CNTNAP4: variants seen among roughly 807,000 people sequenced by gnomAD.
CNTNAP4 encodes contactin associated protein family member 4.
Under a neutral mutation model 148.4 loss-of-function variants are expected in CNTNAP4, and 98 were observed. That is an observed-to-expected ratio of 0.66 (90% CI 0.56 to 0.78). The LOEUF is 0.78. CNTNAP4 is among the 30% of genes least tolerant of loss of function. The probability of loss-of-function intolerance (pLI) is 0.00; values close to 1 mark genes in which losing one functional copy is unlikely to be tolerated. For missense variants in CNTNAP4, 1,935 were observed against 1,565.6 expected (o/e 1.24, Z -3.98); for synonymous variants, 730 against 565.1 (o/e 1.29, Z -4.14).
In CNTNAP4 at chr16:76,356,337, A is replaced by G. The variant is rs187610436; in HGVS notation, c.390+826A>G. ...TATATGCATACACATGTACGCATAT[A>G]TATGATTTATCTGTAAACCCTTCTC... On this transcript the variant is annotated intron_variant, in intron 3 of 23. Transcript: ENST00000611870. Among the ~76,000 whole-genome samples, 14 of 152,044 alleles carry G rather than the reference A, an allele frequency of 9.2e-5. 1 individual carries two copies. In the East Asian group the frequency reaches 2.7e-3, roughly 29 times the overall value.
At chr16:76,494,603 G>T (rs2082336309) in intron 13 of CNTNAP4, among the ~76,000 whole-genome samples, 1 of 152,044 alleles carries the variant, frequency 6.6e-6, no homozygotes, top group African/African-American at 2.4e-5. Flanking sequence ...TAAAGAAATT[G>T]CATATGTGAG....
At chr16:76,517,323 C>A (rs1012089817) in intron 15 of CNTNAP4, among the ~76,000 whole-genome samples, 1 of 152,026 alleles carries the variant, frequency 6.6e-6, no homozygotes, top group Non-Finnish European at 1.5e-5. Flanking sequence ...TGACATCCTG[C>A]TATTGTTTTG....
At chr16:76,535,018 C>A (rs1427911102) in intron 17 of CNTNAP4, among the ~76,000 whole-genome samples, 1 of 152,078 alleles carries the variant, frequency 6.6e-6, no homozygotes, top group East Asian at 1.9e-4. Context: ...AATATGTCAG[C>A]CAAAAACAAA....
At chr16:76,287,029 G>C (rs7184112) in intron 1 of CNTNAP4, among the ~76,000 whole-genome samples, 13,015 of 152,056 alleles carry the variant, frequency 0.086, 1,871 homozygotes, top group African/African-American at 0.3. Context: ...CATGACAACT[G>C]TGTCACAATC....
intron 3 of CNTNAP4, among the ~76,000 whole-genome samples, chr16:76,420,583 C>G (rs952440676): frequency 6.6e-6 from 1 of 151,818 alleles, no homozygotes; most frequent in African/African-American, 2.4e-5. Context: ...TACAAAAAGC[C>G]TATGGAAGCC....
At chr16:76,315,957 G>A (rs1332783856) in intron 1 of CNTNAP4, among the ~76,000 whole-genome samples, 1 of 151,924 alleles carries the variant, frequency 6.6e-6, no homozygotes, top group East Asian at 1.9e-4. Context: ...ATTTAAAGGT[G>A]GTTTTTGTTT....
chr16:76,286,951 G>A (rs1340053874), intron 1 of CNTNAP4, among the ~76,000 whole-genome samples: 2 of 152,180 alleles, frequency 1.3e-5, no homozygotes, highest in African/African-American at 4.8e-5. Context: ...TTGTAAAGCT[G>A]CTCAATTAGG....
intron 1 of CNTNAP4, among the ~76,000 whole-genome samples, chr16:76,284,285 T>C (rs865859142): frequency 1.3e-5 from 2 of 151,906 alleles, no homozygotes; most frequent in South Asian, 2.1e-4. Context: ...ATGATTGTTT[T>C]CATGGGTATT....
Position 76,448,937 on chromosome 16 carries a change from A to G in CNTNAP4, c.913A>G (p.Asn305Asp). The change falls in exon 6 of 24, where the codon AAT (asparagine) becomes GAT (aspartate). Residue 305 changes from asparagine to aspartate, a missense_variant. By Grantham distance (23) the Asn-to-Asp change is conservative. Coordinates refer to ENST00000611870, the MANE Select transcript of CNTNAP4 (RefSeq NM_033401.5). Reference protein sequence around the residue: ...FHARGEFNLMNLDYEISFGGI... With the variant: ...FHARGEFNLMDLDYEISFGGI... ...TGCACGGGGAGAATTCAATCTCATG[A>G]ATCTTGATTATGAGGTGTGATGGTT... The G allele has an allele frequency of 6.2e-7, 1 of 1,613,358 alleles. No individual in the cohort carries two copies. Among genetic ancestry groups the G allele is most frequent in the Non-Finnish European group, 8.5e-7 (1 of 1,179,570 alleles).
chr16:76,553,314 G>A lies in CNTNAP4; in HGVS notation c.3474G>A (p.Leu1158=), dbSNP rs372364303. Residue 1158 remains leucine, a synonymous_variant, in exon 22 of 24, where the codon CTG becomes CTA. Coordinates refer to ENST00000611870, the MANE Select transcript of CNTNAP4 (RefSeq NM_033401.5). ...EHSDVDQDTA[L]AGAQGFTGCL... ...GTGATGTGGACCAGGATACTGCACT[G>A]GCAGGTGCGCAGGGCTTCACAGGCT... 1.2e-6 allele frequency: 2 copies of A among 1,611,950 alleles called. No homozygotes were observed. Among genetic ancestry groups the A allele is most frequent in the Non-Finnish European group, 1.7e-6 (2 of 1,178,652 alleles).
chr16:76,323,001 A>AT (rs1375130820), intron 2 of CNTNAP4, among the ~76,000 whole-genome samples: 5 of 151,118 alleles, frequency 3.3e-5, no homozygotes, highest in Admixed American at 2.6e-4. Context: ...CACCCACCTA[A>AT]TTTTTTTTGT....
At chr16:76,420,284 T>TATATTAGAA (rs2079142697) in intron 3 of CNTNAP4, among the ~76,000 whole-genome samples, 13 of 70,466 alleles carry the variant, frequency 1.8e-4, no homozygotes, top group Non-Finnish European at 3.2e-4. Flanking sequence ...GAGATAAATA[T>TATATTAGAA]TAATTTCCCT....
chr16:76,464,261 C>G (rs2081094137), intron 9 of CNTNAP4, among the ~76,000 whole-genome samples: 1 of 152,192 alleles, frequency 6.6e-6, no homozygotes, highest in South Asian at 2.1e-4. Flanking sequence ...GACACATCAT[C>G]TTTTCTTGTG....
chr16:76,332,339 C>T (rs969386284), intron 2 of CNTNAP4, among the ~76,000 whole-genome samples: 9 of 152,120 alleles, frequency 5.9e-5, no homozygotes, highest in Admixed American at 2.0e-4. Flanking sequence ...TAACTCACTG[C>T]AGCCTCCACC....
At chr16:76,332,845 C>T (rs572200485) in intron 2 of CNTNAP4, among the ~76,000 whole-genome samples, 10 of 152,032 alleles carry the variant, frequency 6.6e-5, no homozygotes, top group East Asian at 3.9e-4. Context: ...TCTTAGATAC[C>T]GTCTGATGTT....
At chr16:76,532,612 T>C (rs1170070354) in intron 17 of CNTNAP4, among the ~76,000 whole-genome samples, 2 of 152,192 alleles carry the variant, frequency 1.3e-5, no homozygotes, top group Non-Finnish European at 2.9e-5. Context: ...CATGATTTAA[T>C]GTGGGATAAT....
At chr16:76,478,160 C>G (rs1328986781) in intron 11 of CNTNAP4, among the ~76,000 whole-genome samples, 1 of 152,136 alleles carries the variant, frequency 6.6e-6, no homozygotes, top group Non-Finnish European at 1.5e-5. Flanking sequence ...TATAAAAAGT[C>G]AAGCCATACA....
chr16:76,331,125 A>AT (rs71382632), intron 2 of CNTNAP4, among the ~76,000 whole-genome samples: 35,207 of 147,186 alleles, frequency 0.24, 4,809 homozygotes, highest in Non-Finnish European at 0.33. Flanking sequence ...GGTTTAGTTG[A>AT]TTTTTTTTTT....
At chr16:76,327,048 G>A (rs540097096) in intron 2 of CNTNAP4, among the ~76,000 whole-genome samples, 1 of 152,264 alleles carries the variant, frequency 6.6e-6, no homozygotes, top group East Asian at 1.9e-4. Flanking sequence ...GATTGGACAT[G>A]TCTTCTTTTC....
Sources: gnomAD v4.1 joint callset for allele counts (sites outside exome capture counted in the v4.1 genomes callset) on GRCh38, gnomAD v4.1.1 for gene constraint, MANE v1.5 for transcripts, NCBI Gene and HGNC (gene_info 2026-07-23, HGNC 2026-07-21) for gene names.